Variants in SLCO2B1 observed in about 807,000 individuals in gnomAD.
SLCO2B1 encodes the protein OATP-RP2.
Under a neutral mutation model 67.3 loss-of-function variants are expected in SLCO2B1, and 41 were observed. The observed-to-expected ratio is 0.61, with a 90% CI of 0.47 to 0.79. The LOEUF is 0.79. SLCO2B1 is among the 30% of genes least tolerant of loss of function. The pLI is 0.00. For synonymous variants in SLCO2B1, 379 were observed against 381.4 expected, an observed-to-expected ratio of 0.99 and a Z score of 0.07; for missense variants, 837 against 920.1, an observed-to-expected ratio of 0.91 and a Z score of 1.17.
chr11:75,196,522 CT>C lies in SLCO2B1; in HGVS notation c.1443del (p.Leu483TrpfsTer105). 1 of 1,613,428 alleles carries C rather than the reference CT, an allele frequency of 6.2e-7. No homozygotes were observed. Among genetic ancestry groups the C allele is most frequent in the South Asian group, 1.1e-5 (1 of 90,970 alleles). On this transcript the variant is annotated frameshift_variant, in exon 10 of 14. Transcript: ENST00000289575. LOFTEE classifies it high-confidence loss of function. ...GTCTTCTCTCCCACCAGTGCCCACCCTGGGCTGGAGCTGTCTCCAAGCTGCA... is the reference window on the plus strand; with the variant it reads ...GTCTTCTCTCCCACCAGTGCCCACCCGGGCTGGAGCTGTCTCCAAGCTGCA... ...AGITHQTSAH[P>X]GLELSPSCME...
chr11:75,152,674 C>A (rs1053990582), intron 1 of SLCO2B1, among the ~76,000 whole-genome samples: 3 of 152,068 alleles, frequency 2.0e-5, no homozygotes, highest in Admixed American at 6.5e-5. Flanking sequence ...CCCCACAAGT[C>A]CCCCCAGTAC....
intron 7 of SLCO2B1, among the ~76,000 whole-genome samples, chr11:75,186,669 T>C (rs989375711): frequency 8.5e-5 from 13 of 152,154 alleles, no homozygotes; most frequent in African/African-American, 3.1e-4. Context: ...TAAGTCTTCT[T>C]CCAGCTAATT....
At chr11:75,183,538 T>G (rs1468556239) in intron 7 of SLCO2B1, among the ~76,000 whole-genome samples, 1 of 152,200 alleles carries the variant, frequency 6.6e-6, no homozygotes, top group Non-Finnish European at 1.5e-5. Flanking sequence ...TGAGTTGTTT[T>G]TTTTGAGTCA....
In SLCO2B1 at chr11:75,169,205, T is replaced by C. The variant is rs1276519411; in HGVS notation, c.481T>C (p.Cys161Arg). ...GCCACAGGACTTCAAGGCTTCCCTG[T>C]GCCTGCCCACAACCTCGGCCCCAGC... ...DMPQDFKASLCLPTTSAPASA... is the reference protein window; with the variant it reads ...DMPQDFKASLRLPTTSAPASA... The change falls in exon 5 of 14, where the codon TGC becomes CGC. Residue 161 changes from cysteine to arginine, a missense_variant. Coordinates refer to ENST00000289575, the MANE Select transcript of SLCO2B1 (RefSeq NM_007256.5). 6.2e-7 allele frequency: 1 copy of C among 1,613,972 alleles called. No individual in the cohort carries two copies. Among genetic ancestry groups the C allele is most frequent in the East Asian group, 2.2e-5 (1 of 44,892 alleles).
At chr11:75,185,166 G>T (rs867784592) in intron 7 of SLCO2B1, among the ~76,000 whole-genome samples, 1 of 152,232 alleles carries the variant, frequency 6.6e-6, no homozygotes, top group Non-Finnish European at 1.5e-5. Context: ...GACCCCCCAA[G>T]GTGGTGGCTG....
chr11:75,169,485 C>A, intron 5 of SLCO2B1, 79 bp downstream of exon 5: 3 of 1,376,378 alleles, frequency 2.2e-6, no homozygotes, highest in Non-Finnish European at 3.0e-6. Context: ...AGGGTTGGGG[C>A]TGGAGATGGA....
chr11:75,169,352 G>T lies in SLCO2B1; in HGVS notation c.628G>T (p.Gly210Cys). 1 of 1,613,538 alleles carries T rather than the reference G, an allele frequency of 6.2e-7. No individual in the cohort carries two copies. The highest frequency in any genetic ancestry group is 8.5e-7 in the Non-Finnish European group (1 of 1,179,698). ...GGGCGGGGTGCCCATTCAGCCCTTT[G>T]GCATCTCCTACATCGATGACTTTGC... is the stretch of plus-strand genomic sequence containing the variant. ...GVGGVPIQPF[G>C]ISYIDDFAHN... Residue 210 changes from glycine to cysteine, a missense_variant, in exon 5 of 14, where the codon GGC (glycine) becomes TGC (cysteine). Physicochemically the swap from Gly to Cys is radical, Grantham distance 159 (BLOSUM62 -3). Coordinates refer to ENST00000289575, the MANE Select transcript of SLCO2B1 (RefSeq NM_007256.5).
chr11:75,205,739 A>G lies in SLCO2B1; in HGVS notation c.*1159A>G, dbSNP rs909506868. ...TGGCTTGCTCGTGTCTTATGATCCA[A>G]TCCTTTTCTACATCAGCCCTTGTTT... On this transcript the variant is annotated 3_prime_UTR_variant, in exon 14 of 14. Coordinates refer to ENST00000289575, the MANE Select transcript of SLCO2B1 (RefSeq NM_007256.5). 1 of 152,144 alleles carries G rather than the reference A, an allele frequency of 6.6e-6. No individual in the cohort carries two copies. Among genetic ancestry groups the G allele is most frequent in the Admixed American group, 6.5e-5 (1 of 15,280 alleles). The allele number at this position is 152,144 out of a possible 1,614,324, so 9.4% of individuals were successfully genotyped here.
intron 3 of SLCO2B1, among the ~76,000 whole-genome samples, chr11:75,164,731 C>G (rs1171998229): frequency 6.6e-6 from 1 of 152,174 alleles, no homozygotes; most frequent in Non-Finnish European, 1.5e-5. Flanking sequence ...ATGAAATTCT[C>G]CCCCCTTGGT....
chr11:75,176,280 C>A (rs965809275), intron 7 of SLCO2B1, among the ~76,000 whole-genome samples: 1 of 152,184 alleles, frequency 6.6e-6, no homozygotes, highest in Non-Finnish European at 1.5e-5. Context: ...CTTCTGACAA[C>A]CTGCCCTTGG....
chr11:75,171,908 A>C (rs1949964529), intron 6 of SLCO2B1, among the ~76,000 whole-genome samples: 1 of 152,200 alleles, frequency 6.6e-6, no homozygotes, highest in Non-Finnish European at 1.5e-5. Context: ...TAATAATCAC[A>C]ATAGTAATGA....
At chr11:75,196,216 G>A in intron 9 of SLCO2B1, 1 of 312,994 alleles carries the variant, frequency 3.2e-6, no homozygotes. Context: ...CTCCTCATCT[G>A]ACACTAACTT....
In SLCO2B1 at chr11:75,203,957, G is replaced by C. The variant is rs148495401; in HGVS notation, c.1950-443G>C. 2.5e-3 allele frequency: 405 copies of C among 164,020 alleles called. 4 individuals are homozygous for C. The highest frequency in any genetic ancestry group is 9.3e-3 in the African/African-American group (389 of 41,812). 10.2% of individuals were successfully genotyped at this position (164,020 alleles called of 1,614,324 possible). On this transcript the variant is annotated intron_variant, in intron 13 of 13. Coordinates refer to ENST00000289575, the MANE Select transcript of SLCO2B1 (RefSeq NM_007256.5). ...CTAGCAGGGCTGGGGACAGGGAGCT[G>C]GTCACTTTCAGCTCTGAGGAGGTGA...
intron 1 of SLCO2B1, among the ~76,000 whole-genome samples, chr11:75,161,661 G>T (rs1374149106): frequency 6.6e-6 from 1 of 152,158 alleles, no homozygotes; most frequent in Non-Finnish European, 1.5e-5. Flanking sequence ...TGCCGGTGGT[G>T]AGAGGGACAT....
Position 75,173,567 on chromosome 11 carries a change from T to C in SLCO2B1, c.972+998T>C, listed in dbSNP as rs79435490. 3.4e-3 allele frequency among the ~76,000 whole-genome samples: 512 copies of C among 152,202 alleles called. 4 individuals are homozygous for C. The highest frequency in any genetic ancestry group is 0.012 in the African/African-American group (496 of 41,548). ...AGGGGTATCTAGAATCCTCCTCCTC[T>C]GCTCTTGGGGCAGGTGGGTCTCTCC... On this transcript the variant is annotated intron_variant, in intron 7 of 13. Coordinates refer to ENST00000289575, the MANE Select transcript of SLCO2B1 (RefSeq NM_007256.5).
intron 10 of SLCO2B1, among the ~76,000 whole-genome samples, chr11:75,198,943 T>C (rs1237760353): frequency 6.6e-6 from 1 of 152,056 alleles, no homozygotes; most frequent in Non-Finnish European, 1.5e-5. Flanking sequence ...TGGAATTAGA[T>C]GAATGTGAAG....
At position 75,193,442 on chromosome 11, in the gene SLCO2B1, C is replaced by T. The variant is rs367795991; in HGVS notation, c.1300C>T (p.Arg434Trp). 1.9e-5 allele frequency: 30 copies of T among 1,613,458 alleles called. No homozygotes were observed. The African/African-American group carries it at 2.9e-4, about 16-fold the overall frequency. The change falls in exon 9 of 14, where the codon CGG becomes TGG. Residue 434 changes from arginine (R) to tryptophan (W), a missense_variant. Physicochemically the swap from Arg to Trp is moderately radical, Grantham distance 101 (BLOSUM62 -3). Coordinates refer to ENST00000289575, the MANE Select transcript of SLCO2B1 (RefSeq NM_007256.5). The surrounding 1 kb of genome is among the most constrained non-coding windows in gnomAD (Gnocchi z 4.2). ...CGTGGTGGGTGGCGTCCTGGTCAAG[C>T]GGCTCCACCTGGGCCCTGTGGGATG... ...GIVVGGVLVKRLHLGPVGCGA... is the reference protein window; with the variant it reads ...GIVVGGVLVKWLHLGPVGCGA...
intron 9 of SLCO2B1, among the ~76,000 whole-genome samples, chr11:75,196,038 G>A (rs1025813133): frequency 6.6e-6 from 1 of 152,220 alleles, no homozygotes; most frequent in South Asian, 2.1e-4. Flanking sequence ...GAGACTGCAG[G>A]ATGGCCATGA....
chr11:75,162,975 A>G, intron 2 of SLCO2B1, 190 bp downstream of exon 2: 1 of 608,564 alleles, frequency 1.6e-6, no homozygotes. Flanking sequence ...GAAGGTGGCC[A>G]GTACATGTTC....
Sources: allele counts gnomAD v4.1 joint callset (sites outside exome capture counted in the v4.1 genomes callset), GRCh38; gene constraint gnomAD v4.1.1; non-coding constraint Gnocchi (gnomAD v3.1); transcripts MANE v1.5; gene names NCBI Gene and HGNC (gene_info 2026-07-23, HGNC 2026-07-21).